The following BACC1 variants were observed in gnomAD, a reference collection of about 807,000 sequenced individuals.
BACC1 encodes the protein BPTF-associated chromatin complex component 1.
At chr17:7,015,730 C>T in the BACC1 span, 2 of 1,544,292 alleles carry the variant, frequency 1.3e-6, no homozygotes, top group Non-Finnish European at 1.8e-6. Flanking sequence ...GGGCTCCACA[C>T]CCCCCCTCCC....
At chr17:7,016,756 G>T in the BACC1 span, 3 of 1,547,586 alleles carry the variant, frequency 1.9e-6, no homozygotes, top group African/African-American at 2.8e-5. Context: ...ATTGGGCCTG[G>T]GTCAAAGAAG....
At chr17:7,015,789 G>A in the BACC1 span, 2 of 1,613,998 alleles carry the variant, frequency 1.2e-6, no homozygotes, top group South Asian at 2.2e-5. Flanking sequence ...AGTGGACGGA[G>A]ACGGAAATAG....
chr17:7,014,845 GGC>G, the BACC1 span: 3 of 1,532,338 alleles, frequency 2.0e-6, no homozygotes, highest in South Asian at 3.6e-5. This position sits in a 1 kb window ranked among gnomAD's most constrained non-coding sequence, Gnocchi z 4.5. Flanking sequence ...TCCGTGAGGA[GGC>G]GCGCGGGGCC....
chr17:7,017,167 A>T, the BACC1 span: 50 of 1,579,252 alleles, frequency 3.2e-5, no homozygotes, highest in Non-Finnish European at 4.3e-5. Context: ...TTGGATCAGT[A>T]CGTAGCAGGG....
chr17:7,014,791 G>C, the BACC1 span: 7 of 1,518,994 alleles, frequency 4.6e-6, no homozygotes, highest in East Asian at 2.7e-5. The surrounding 1 kb of genome is among the most constrained non-coding windows in gnomAD (Gnocchi z 4.5). Context: ...CAGTCTCCCT[G>C]CTCTCCGTGG....
At chr17:7,016,686 G>T in the BACC1 span, 1 of 1,609,794 alleles carries the variant, frequency 6.2e-7, no homozygotes, top group Non-Finnish European at 8.5e-7. Flanking sequence ...CAGAAGGCTG[G>T]TGAGGGCTGT....
chr17:7,016,221 T>C, the BACC1 span: 1 of 527,216 alleles, frequency 1.9e-6, no homozygotes, highest in Admixed American at 3.7e-5. Context: ...TAAATCTCAA[T>C]CCACCTGTAA....
the BACC1 span, chr17:7,016,571 A>G: frequency 1.9e-6 from 3 of 1,614,204 alleles, no homozygotes; most frequent in Non-Finnish European, 2.5e-6. Flanking sequence ...GTCACCCAAG[A>G]AAGGGCCCAA....
chr17:7,015,436 C>T, the BACC1 span: 1 of 1,364,980 alleles, frequency 7.3e-7, no homozygotes, highest in Non-Finnish European at 9.4e-7. Flanking sequence ...ATGGAATTCC[C>T]CCAGACGGCT....
chr17:7,016,360 G>C, the BACC1 span: 1 of 869,848 alleles, frequency 1.1e-6, no homozygotes, highest in Non-Finnish European at 1.8e-6. Flanking sequence ...TCGAGAAAGT[G>C]AGAACCCTAC....
the BACC1 span, chr17:7,015,071 A>C: frequency 6.4e-7 from 1 of 1,556,952 alleles, no homozygotes; most frequent in Non-Finnish European, 8.6e-7. Flanking sequence ...GGTCGGAGAG[A>C]TCTTCTCGGC....
At chr17:7,014,993 G>A in the BACC1 span, 10 of 1,393,332 alleles carry the variant, frequency 7.2e-6, no homozygotes, top group East Asian at 1.8e-4. This position sits in a 1 kb window ranked among gnomAD's most constrained non-coding sequence, Gnocchi z 4.5. Flanking sequence ...AGCCTGGGGT[G>A]GGGCTAGGGG....
the BACC1 span, chr17:7,017,264 G>T: frequency 6.2e-7 from 1 of 1,614,064 alleles, no homozygotes; most frequent in South Asian, 1.1e-5. Flanking sequence ...CAGACAGCCT[G>T]ACCCTGGATT....
At chr17:7,016,461 A>C in the BACC1 span, 1 of 1,595,058 alleles carries the variant, frequency 6.3e-7, no homozygotes, top group South Asian at 1.1e-5. Flanking sequence ...CTCTCTGATG[A>C]CTCCTTTCCT....
the BACC1 span, chr17:7,015,624 C>T: frequency 1.5e-6 from 2 of 1,324,286 alleles, no homozygotes; most frequent in Middle Eastern, 2.6e-4. Context: ...AGCTTTCCGC[C>T]TCCCCTTACG....
the BACC1 span, chr17:7,017,253 C>G: frequency 6.2e-7 from 1 of 1,614,088 alleles, no homozygotes; most frequent in Non-Finnish European, 8.5e-7. Context: ...ACTTCCTGTT[C>G]CAGACAGCCT....
chr17:7,016,270 T>G, the BACC1 span: 3 of 562,300 alleles, frequency 5.3e-6, no homozygotes, highest in South Asian at 2.3e-5. Flanking sequence ...CAGAAGAGAA[T>G]TAGGAGATGG....
At chr17:7,015,612 A>G in the BACC1 span, 10 of 1,353,328 alleles carry the variant, frequency 7.4e-6, no homozygotes, top group African/African-American at 1.2e-4. Context: ...CAGGGCCTCA[A>G]GAGCTTTCCG....
chr17:7,016,714 G>A, the BACC1 span: 13 of 1,594,832 alleles, frequency 8.2e-6, no homozygotes, highest in Non-Finnish European at 1.1e-5. Flanking sequence ...CTGCCTAGGG[G>A]TTAAAGGTCC....
Sources: gnomAD v4.1 joint callset for allele counts on GRCh38, gnomAD v4.1.1 for gene constraint, Gnocchi (gnomAD v3.1) non-coding constraint, MANE v1.5 for transcripts, NCBI Gene and HGNC (gene_info 2026-07-23, HGNC 2026-07-21) for gene names.